The following PCDHGA3 variants were observed in gnomAD, a reference collection of about 807,000 sequenced individuals.
PCDHGA3 encodes the protein protocadherin gamma-A3.
A neutral mutation model predicts 58.5 loss-of-function variants in PCDHGA3; 40 were observed. The ratio of observed to expected loss-of-function variants is 0.68; its 90% CI spans 0.53 to 0.89. PCDHGA3 has a LOEUF of 0.89. PCDHGA3 is among the 40% of genes least tolerant of loss of function. The pLI is 0.00. For missense variants in PCDHGA3, 1,223 were observed against 1,195.9 expected (o/e 1.02, Z -0.33); for synonymous variants, 530 against 525.7 (o/e 1.01, Z -0.11).
At chr5:141,356,048 A>G (rs1266481574) in intron 1 of PCDHGA3, 1 of 1,613,848 alleles carries the variant, frequency 6.2e-7, no homozygotes, top group Non-Finnish European at 8.5e-7. Context: ...TCTTTCCGGA[A>G]AGTAAGAGAC....
At chr5:141,368,825 CTT>C (rs999838491) in intron 1 of PCDHGA3, among the ~76,000 whole-genome samples, 2 of 152,086 alleles carry the variant, frequency 1.3e-5, no homozygotes, top group African/African-American at 4.8e-5. Context: ...ACAATGAACA[CTT>C]GGCATTGTGT....
chr5:141,415,740 GT>G (rs57426385), intron 1 of PCDHGA3: 12,894 of 617,008 alleles, frequency 0.021, 1 homozygote, highest in South Asian at 0.027. Flanking sequence ...GTTTATTAAG[GT>G]TTTTTTTTTT....
At chr5:141,389,513 C>G (rs749432491) in intron 1 of PCDHGA3, 2 of 1,613,038 alleles carry the variant, frequency 1.2e-6, no homozygotes, top group African/African-American at 1.3e-5. Flanking sequence ...TCAGCGCGAA[C>G]GTGAGCCTGC....
At chr5:141,407,590 T>C (rs186034148) in intron 1 of PCDHGA3, among the ~76,000 whole-genome samples, 64 of 152,240 alleles carry the variant, frequency 4.2e-4, no homozygotes, top group Non-Finnish European at 7.1e-4. Context: ...CCTTAATGTC[T>C]CATCTTAAAA....
At chr5:141,392,837 C>T (rs772636303) in intron 1 of PCDHGA3, 1 of 1,608,294 alleles carries the variant, frequency 6.2e-7, no homozygotes. Context: ...AGAGTCGCCC[C>T]AGACGCGGCG....
Position 141,487,397 on chromosome 5 carries a change from G to A in PCDHGA3, c.2425-7410G>A. 1 of 1,614,062 alleles carries A rather than the reference G, an allele frequency of 6.2e-7. No homozygotes were observed. Among genetic ancestry groups the A allele is most frequent in the Middle Eastern group, 1.6e-4 (1 of 6,062 alleles). Reference sequence around the variant, plus strand: ...TCTCACCAGATCTCGAAGGAGGGAGGGGCTTCCCCCTTCCAATGGGATCCT... The same window carrying A: ...TCTCACCAGATCTCGAAGGAGGGAGAGGCTTCCCCCTTCCAATGGGATCCT... On this transcript the variant is annotated intron_variant, in intron 1 of 3. Coordinates refer to ENST00000253812, the MANE Select transcript of PCDHGA3 (RefSeq NM_018916.4). This position sits in a 1 kb window ranked among gnomAD's most constrained non-coding sequence, Gnocchi z 5.0.
At chr5:141,422,777 C>T in intron 1 of PCDHGA3, 1 of 1,613,982 alleles carries the variant, frequency 6.2e-7, no homozygotes, top group Non-Finnish European at 8.5e-7. Context: ...GTTCTCTATG[C>T]CCTACAATCC....
intron 1 of PCDHGA3, among the ~76,000 whole-genome samples, chr5:141,347,203 G>A (rs1015236028): frequency 1.0e-5 from 1 of 98,898 alleles, no homozygotes; most frequent in Non-Finnish European, 2.0e-5. Context: ...ACTCTGTCTG[G>A]AGTGCAGTGG....
Position 141,431,132 on chromosome 5 carries a change from G to A in PCDHGA3, c.2425-63675G>A. On this transcript the variant is annotated intron_variant, in intron 1 of 3. Coordinates refer to ENST00000253812, the MANE Select transcript of PCDHGA3 (RefSeq NM_018916.4). This position sits in a 1 kb window ranked among gnomAD's most constrained non-coding sequence, Gnocchi z 4.8. ...ATATGGAGTAGAAGTAGAAGTAAGGGACATTAACGACAATGCGCCTTACTT... is the reference window on the plus strand; with the variant it reads ...ATATGGAGTAGAAGTAGAAGTAAGGAACATTAACGACAATGCGCCTTACTT... 2 of 1,614,232 alleles carry A rather than the reference G, an allele frequency of 1.2e-6. No individual in the cohort carries two copies. The highest frequency in any genetic ancestry group is 8.5e-7 in the Non-Finnish European group (1 of 1,180,024).
intron 1 of PCDHGA3, among the ~76,000 whole-genome samples, chr5:141,348,509 T>C (rs1215802144): frequency 1.3e-5 from 2 of 152,326 alleles, no homozygotes; most frequent in Admixed American, 1.3e-4. Flanking sequence ...ATTAGCTGTG[T>C]CAGGGGAAAT....
intron 1 of PCDHGA3, chr5:141,393,237 A>C (rs1561641299): frequency 6.2e-7 from 1 of 1,613,684 alleles, no homozygotes; most frequent in Non-Finnish European, 8.5e-7. Context: ...AGAAGTAAAA[A>C]TTAACGAAAT....
chr5:141,390,212 C>T (rs2150413972), intron 1 of PCDHGA3: 1 of 1,614,058 alleles, frequency 6.2e-7, no homozygotes, highest in African/African-American at 1.3e-5. Flanking sequence ...CAGGACAAGA[C>T]ATACTTTGCG....
intron 1 of PCDHGA3, chr5:141,399,019 A>G (rs576771907): frequency 2.5e-6 from 4 of 1,613,932 alleles, no homozygotes; most frequent in East Asian, 2.2e-5. Context: ...CGGAGAAATT[A>G]CCACTCAAAA....
chr5:141,355,311 G>C, intron 1 of PCDHGA3: 2 of 1,613,982 alleles, frequency 1.2e-6, no homozygotes. Flanking sequence ...CGGTGTTTGA[G>C]GAGCAGGAAG....
Position 141,406,695 on chromosome 5 carries a change from A to T in PCDHGA3, c.2424+60238A>T, listed in dbSNP as rs62378452. Among the ~76,000 whole-genome samples, 1,219 of 152,310 alleles carry T rather than the reference A, an allele frequency of 8.0e-3. 8 individuals are homozygous for T. Among genetic ancestry groups the T allele is most frequent in the Non-Finnish European group, 0.011 (770 of 68,010 alleles). Reference sequence around the variant, plus strand: ...GAATAGTAGGACATTCTTCTTTTCTATAGTATATGCTTGCTCAAGAGAAGT... The same window carrying T: ...GAATAGTAGGACATTCTTCTTTTCTTTAGTATATGCTTGCTCAAGAGAAGT... On this transcript the variant is annotated intron_variant, in intron 1 of 3. Coordinates refer to ENST00000253812, the MANE Select transcript of PCDHGA3 (RefSeq NM_018916.4).
At chr5:141,362,395 C>T (rs1314760212) in intron 1 of PCDHGA3, 1 of 1,614,040 alleles carries the variant, frequency 6.2e-7, no homozygotes, top group Admixed American at 1.7e-5. Context: ...TTCCTACAAC[C>T]TGTGTGTTGC....
intron 1 of PCDHGA3, among the ~76,000 whole-genome samples, chr5:141,446,727 A>G (rs546345866): frequency 6.6e-6 from 1 of 152,258 alleles, no homozygotes; most frequent in African/African-American, 2.4e-5. Context: ...TCGGCCTCCC[A>G]AAGTGTGGGG....
chr5:141,417,683 A>AAG lies in PCDHGA3; in HGVS notation c.2424+71227_2424+71228insGA, dbSNP rs201105096. 3.0e-3 allele frequency: 3,154 copies of AAG among 1,038,272 alleles called. 110 individuals carry two copies. In the East Asian group the frequency reaches 0.071, roughly 24 times the overall value. The allele number at this position is 1,038,272 out of a possible 1,614,324, so 64.3% of individuals were successfully genotyped here. The stretch of plus-strand genomic sequence containing the variant: ...GATTCCCTGCGCAGCCAACAACAGA[A>AAG]AAGAAAACCAGCTCCCACACAGAGG... On this transcript the variant is annotated intron_variant, in intron 1 of 3. Transcript: ENST00000253812.
intron 1 of PCDHGA3, among the ~76,000 whole-genome samples, chr5:141,484,321 G>A (rs2099594762): frequency 6.6e-6 from 1 of 152,124 alleles, no homozygotes; most frequent in Non-Finnish European, 1.5e-5. Flanking sequence ...CTTCCATACT[G>A]TCCTTGAAAT....
Sources: gnomAD v4.1 joint callset for allele counts (sites outside exome capture counted in the v4.1 genomes callset) on GRCh38, gnomAD v4.1.1 for gene constraint, Gnocchi (gnomAD v3.1) non-coding constraint, MANE v1.5 for transcripts, NCBI Gene and HGNC (gene_info 2026-07-23, HGNC 2026-07-21) for gene names.